Variants in KLF10 observed in about 807,000 individuals in gnomAD.
KLF10 encodes the protein Krueppel-like factor 10.
Under a neutral mutation model 31.6 loss-of-function variants are expected in KLF10, and 17 were observed. The ratio of observed to expected loss-of-function variants is 0.54; its 90% confidence interval spans 0.37 to 0.81. The LOEUF is 0.81. KLF10 is among the 30% of genes least tolerant of loss of function. KLF10 has a pLI of 0.00. For synonymous variants in KLF10, 239 were observed against 215.1 expected (o/e 1.11, Z -0.97); for missense variants, 525 against 598.1 (o/e 0.88, Z 1.27).
At chr8:102,653,141 A>G (rs1474871388) in intron 1 of KLF10, among the ~76,000 whole-genome samples, 3 of 152,154 alleles carry the variant, frequency 2.0e-5, no homozygotes, top group Non-Finnish European at 4.4e-5. Context: ...AAAAAATTCT[A>G]ATGTTTATTT....
At position 102,651,421 on chromosome 8, in the gene KLF10, G is replaced by T. The variant is rs759497115; in HGVS notation, c.911C>A (p.Pro304His). The change falls in exon 3 of 4, where the codon CCT becomes CAT. Residue 304 changes from proline to histidine, a missense_variant. Pro to His is a moderately conservative substitution (Grantham distance 77). Around this residue, in one of 3 missense-constraint regions of KLF10, gnomAD observed 434 missense variants for 450.7 expected, o/e 0.96. Transcript: ENST00000285407. ...GACTTGTGTGCCCATGAACACAACA[G>T]GGGGGCAAACGGCTGGTGGCTGGCT... Reference protein sequence around the residue: ...PPSQPPAVCPPVVFMGTQVPK... With the variant: ...PPSQPPAVCPHVVFMGTQVPK... The T allele has an allele frequency of 2.6e-5, 42 of 1,613,294 alleles. No individual in the cohort carries two copies. Among genetic ancestry groups the T allele is most frequent in the Non-Finnish European group, 3.3e-5 (39 of 1,179,642 alleles).
chr8:102,652,470 ATTTT>A (rs10639139), intron 1 of KLF10, 73 bp from the exon 2 acceptor site: 213 of 489,534 alleles, frequency 4.4e-4, no homozygotes, highest in South Asian at 1.1e-3. Flanking sequence ...AAATGAGCAA[ATTTT>A]TTTTTTTTTT....
chr8:102,653,382 G>A, intron 1 of KLF10: 3 of 1,099,918 alleles, frequency 2.7e-6, no homozygotes, highest in South Asian at 1.8e-5. Context: ...CAAAATAACA[G>A]CACAGGTTTT....
rs939769012 is a variant in KLF10, at chr8:102,655,646, C to T, written c.-45G>A. ...GGCGGCAAGCTGACTGGCTGCTAGG[C>T]TGCTGGCTGCTTGGCCACAGACGGG... is the stretch of plus-strand genomic sequence containing the variant. On this transcript the variant is annotated 5_prime_UTR_variant, in exon 1 of 4. Coordinates refer to ENST00000285407, the MANE Select transcript of KLF10 (RefSeq NM_005655.4). 17 of 1,609,630 alleles carry T rather than the reference C, an allele frequency of 1.1e-5. No individual in the cohort carries two copies. Among genetic ancestry groups the T allele is most frequent in the Non-Finnish European group, 1.4e-5 (16 of 1,177,752 alleles).
rs1434367191 is a variant in KLF10, at chr8:102,650,014, G to A, written c.*118C>T. ...AGGCGGGGCCTTCGTGCCAGGCTGT[G>A]GGGCTTCTGCTTTAAGCCCACGTTG... On this transcript the variant is annotated 3_prime_UTR_variant, in exon 4 of 4. Transcript: ENST00000285407. The A allele has an allele frequency of 2.2e-6, 3 of 1,338,880 alleles. No individual in the cohort carries two copies. Among genetic ancestry groups the A allele is most frequent in the East Asian group, 2.5e-5 (1 of 40,130 alleles). The allele number at this position is 1,338,880 out of a possible 1,614,324, so 82.9% of individuals were successfully genotyped here.
chr8:102,651,913 CTCTTT>C lies in KLF10; in HGVS notation c.414_418del (p.Lys139ProfsTer21). ...GGGGAGTTTGGGGGCAGATACTGGG[CTCTTT>C]TCTTCCTCTTTGAAAGGTGCGGCAA... On this transcript the variant is annotated frameshift_variant, in exon 3 of 4. Transcript: ENST00000285407. LOFTEE classifies it high-confidence loss of function. 2 of 1,614,066 alleles carry C rather than the reference CTCTTT, an allele frequency of 1.2e-6. No homozygotes were observed. Among genetic ancestry groups the C allele is most frequent in the Non-Finnish European group, 8.5e-7 (1 of 1,180,030 alleles).
Position 102,652,197 on chromosome 8 carries a change from C to G in KLF10, c.237G>C (p.Pro79=), listed in dbSNP as rs1386653039. 1 of 1,604,126 alleles carries G rather than the reference C, an allele frequency of 6.2e-7. No individual in the cohort carries two copies. The part of the protein sequence containing the change: ...SDLSEEENLL[P]GTPDFHTIPA... ...GGATTGTATGAAAATCAGGTGTTCC[C>G]GGAAGCAGATTCTCTTCCTCTGACA... The change falls in exon 2 of 4, where the codon CCG becomes CCC. Residue 79 remains proline, a synonymous_variant. Coordinates refer to ENST00000285407, the MANE Select transcript of KLF10 (RefSeq NM_005655.4).
chr8:102,654,899 G>C (rs904952613), intron 1 of KLF10, among the ~76,000 whole-genome samples: 1 of 152,078 alleles, frequency 6.6e-6, no homozygotes, highest in Non-Finnish European at 1.5e-5. Flanking sequence ...TCCCCCTCCA[G>C]ACGTCTGGGG....
chr8:102,650,446 G>A (rs1827178833), intron 3 of KLF10, 55 bp from the exon 4 acceptor site: 1 of 1,518,080 alleles, frequency 6.6e-7, no homozygotes, highest in Non-Finnish European at 9.0e-7. Context: ...TAAATTATAT[G>A]TTCAATTCTG....
At chr8:102,653,062 T>C (rs1275359006) in intron 1 of KLF10, among the ~76,000 whole-genome samples, 1 of 152,178 alleles carries the variant, frequency 6.6e-6, no homozygotes, top group Admixed American at 6.5e-5. Context: ...CAAGTTAAAA[T>C]TGCATTATTT....
rs935710808 is a variant in KLF10, at chr8:102,650,076, C to A, written c.*56G>T. 3 of 1,576,728 alleles carry A rather than the reference C, an allele frequency of 1.9e-6. No individual in the cohort carries two copies. The highest frequency in any genetic ancestry group is 2.6e-6 in the Non-Finnish European group (3 of 1,158,854). ...ACTTGCAGTGGAAGCATTTTTACAT[C>A]ACCACTGGCTCCCGCTGAGACCAAA... On this transcript the variant is annotated 3_prime_UTR_variant, in exon 4 of 4. Transcript: ENST00000285407.
At position 102,650,035 on chromosome 8, in the gene KLF10, C is replaced by G; in HGVS notation, c.*97G>C. Reference sequence around the variant, plus strand: ...CTGTGGGGCTTCTGCTTTAAGCCCACGTTGTGGGGCCACAGACTTGCAGTG... The same window carrying G: ...CTGTGGGGCTTCTGCTTTAAGCCCAGGTTGTGGGGCCACAGACTTGCAGTG... On this transcript the variant is annotated 3_prime_UTR_variant, in exon 4 of 4. Coordinates refer to ENST00000285407, the MANE Select transcript of KLF10 (RefSeq NM_005655.4). The G allele has an allele frequency of 1.4e-6, 2 of 1,467,132 alleles. No homozygotes were observed. Among genetic ancestry groups the G allele is most frequent in the African/African-American group, 2.8e-5 (2 of 71,604 alleles). 90.9% of individuals were successfully genotyped at this position (1,467,132 alleles called of 1,614,324 possible). A position where few individuals can be genotyped will look rare whatever the true frequency, so the allele number is the denominator to read the frequency against.
In KLF10 at chr8:102,652,415, G is replaced by A. The variant is rs765187590; in HGVS notation, c.37-18C>T. On this transcript the variant is annotated intron_variant, in intron 1 of 3. Coordinates refer to ENST00000285407, the MANE Select transcript of KLF10 (RefSeq NM_005655.4). ...CTTTCCTCCTATAAAAACAAAAGAG[G>A]AAAGCTTATAAGCATATTTTTTGTC... 2.7e-6 allele frequency: 4 copies of A among 1,474,360 alleles called. No homozygotes were observed. The African/African-American group carries it at 4.2e-5, about 16-fold the overall frequency. The allele number at this position is 1,474,360 out of a possible 1,614,324, so 91.3% of individuals were successfully genotyped here. A position where few individuals can be genotyped will look rare whatever the true frequency, so the allele number is the denominator to read the frequency against.
chr8:102,655,689 C>G lies in KLF10; in HGVS notation c.-88G>C, dbSNP rs1487524940. The G allele has an allele frequency of 7.0e-7, 1 of 1,434,570 alleles. No homozygotes were observed. The highest frequency in any genetic ancestry group is 9.7e-7 in the Non-Finnish European group (1 of 1,035,670). The allele number at this position is 1,434,570 out of a possible 1,614,324, so 88.9% of individuals were successfully genotyped here. ...CAGACGGGCGCACGGAGACACTCGA[C>G]GCCGCTCCCGCCGCCGCCGCGCTCA... On this transcript the variant is annotated 5_prime_UTR_variant, in exon 1 of 4. Transcript: ENST00000285407.
chr8:102,653,404 T>G, intron 1 of KLF10: 1 of 1,352,072 alleles, frequency 7.4e-7, no homozygotes, highest in Non-Finnish European at 1.0e-6. Flanking sequence ...CACTTATTTG[T>G]AGAACTACCT....
chr8:102,652,394 C>T lies in KLF10; in HGVS notation c.40G>A (p.Glu14Lys). 6.5e-7 allele frequency: 1 copy of T among 1,548,532 alleles called. No homozygotes were observed. The change falls in exon 2 of 4, where the codon GAA becomes AAA. Residue 14 changes from glutamate to lysine, a missense_variant. Physicochemically the swap from Glu to Lys is moderately conservative, Grantham distance 56. Transcript: ENST00000285407. ...FGASLQQTAE[E>K]RMEMISERPK... The stretch of plus-strand genomic sequence containing the variant: ...CTTTCAGAAATCATTTCCATTCTTT[C>T]CTCCTATAAAAACAAAAGAGGAAAG...
chr8:102,651,769 C>A lies in KLF10; in HGVS notation c.563G>T (p.Arg188Ile). Reference protein sequence around the residue: ...LNYQNNSFRRRTHLNVEAARK... With the variant: ...LNYQNNSFRRITHLNVEAARK... The stretch of plus-strand genomic sequence containing the variant: ...TGCAGCCTCAACATTTAGGTGGGTT[C>A]TTCTTCTAAAAGAATTGTTCTGATA... The change falls in exon 3 of 4, where the codon AGA becomes ATA. Residue 188 changes from arginine to isoleucine, a missense_variant. Physicochemically the swap from Arg to Ile is moderately conservative, Grantham distance 97. This residue lies in a region of KLF10 where 434 missense variants were observed against 450.7 expected (regional missense o/e 0.96). Transcript: ENST00000285407. The A allele has an allele frequency of 6.2e-7, 1 of 1,614,148 alleles. No individual in the cohort carries two copies. The highest frequency in any genetic ancestry group is 1.3e-5 in the African/African-American group (1 of 75,060).
At chr8:102,655,363 C>A (rs1827339393) in intron 1 of KLF10, among the ~76,000 whole-genome samples, 3 of 152,146 alleles carry the variant, frequency 2.0e-5, no homozygotes, top group African/African-American at 7.2e-5. Context: ...AGATCCCAGC[C>A]CCCTGGTTCG....
intron 1 of KLF10, chr8:102,653,567 G>A: frequency 6.9e-7 from 1 of 1,443,004 alleles, no homozygotes. Flanking sequence ...TACGTTGCAA[G>A]GTATTATTCT....
Sources: allele counts gnomAD v4.1 joint callset (sites outside exome capture counted in the v4.1 genomes callset), GRCh38; gene constraint gnomAD v4.1.1; regional missense constraint gnomAD v4.1.1; transcripts MANE v1.5; gene names NCBI Gene and HGNC (gene_info 2026-07-23, HGNC 2026-07-21).